The following PPA2 variants were observed in gnomAD, a reference collection of about 807,000 sequenced individuals.
PPA2 encodes inorganic pyrophosphatase 2, mitochondrial.
PPA2 carries 48 observed loss-of-function variants against 49.5 expected under a neutral mutation model. The ratio of observed to expected loss-of-function variants is 0.97; its 90% CI spans 0.77 to 1.23. The LOEUF (loss-of-function observed/expected upper bound fraction) is 1.23. Among genes scored for constraint, PPA2 ranks in the 50% most tolerant of loss-of-function variants. PPA2 has a pLI of 0.00. For missense variants in PPA2, 429 were observed against 410.1 expected, an observed-to-expected ratio of 1.05 and a Z score of -0.40; for synonymous variants, 131 against 139.9, an observed-to-expected ratio of 0.94 and a Z score of 0.45.
At chr4:105,429,639 CAT>C in intron 6 of PPA2, among the ~76,000 whole-genome samples, 1 of 152,102 alleles carries the variant, frequency 6.6e-6, no homozygotes, top group Non-Finnish European at 1.5e-5. Context: ...AAGTTATTTA[CAT>C]ATCTTGAAAT....
intron 10 of PPA2, among the ~76,000 whole-genome samples, chr4:105,373,999 C>T (rs558439281): frequency 2.0e-5 from 3 of 152,184 alleles, no homozygotes; most frequent in South Asian, 2.1e-4. Context: ...ATAACATTTA[C>T]TTACAGAAAA....
chr4:105,471,756 C>T (rs1447564495), intron 1 of PPA2, among the ~76,000 whole-genome samples: 1 of 152,156 alleles, frequency 6.6e-6, no homozygotes, highest in African/African-American at 2.4e-5. Context: ...ACAGTCCTGG[C>T]CAGTGATGCC....
At position 105,399,289 on chromosome 4, in the gene PPA2, G is replaced by A. The variant is rs1490594; in HGVS notation, c.656-125C>T. 390,697 of 873,106 alleles carry A rather than the reference G, an allele frequency of 0.45. 92,145 individuals are homozygous for A. Among genetic ancestry groups the A allele is most frequent in the East Asian group, 0.71 (28,543 of 40,330 alleles). The allele number at this position is 873,106 out of a possible 1,614,324, so 54.1% of individuals were successfully genotyped here. On this transcript the variant is annotated intron_variant, in intron 7 of 11. Transcript: ENST00000341695. ...AGTCTAACCAGAAGCACAATTGATT[G>A]TGATACCTAGAGCAGCATCATCATT...
chr4:105,396,323 A>C lies in PPA2; in HGVS notation c.795T>G (p.Leu265=). The C allele has an allele frequency of 6.3e-7, 1 of 1,594,372 alleles. No individual in the cohort carries two copies. The highest frequency in any genetic ancestry group is 1.3e-5 in the African/African-American group (1 of 74,574). The change falls in exon 9 of 12, where the codon CTT becomes CTG. Residue 265 remains leucine, a synonymous_variant. Coordinates refer to ENST00000341695, the MANE Select transcript of PPA2 (RefSeq NM_176869.3). ...NGEFKNKAFA[L]EVIKSTHQCW... is the part of the protein sequence containing the mutation. ...ATTGATGAGTGGATTTAATAACTTCAAGAGCAAAAGCCTAGCTCCAAACAA... is the reference window on the plus strand; with the variant it reads ...ATTGATGAGTGGATTTAATAACTTCCAGAGCAAAAGCCTAGCTCCAAACAA...
At position 105,405,644 on chromosome 4, in the gene PPA2, G is replaced by A. The variant is rs975874217; in HGVS notation, c.656-6480C>T. The A allele has an allele frequency of 8.4e-5, 85 of 1,012,152 alleles. 1 individual carries two copies. The highest frequency in any genetic ancestry group is 3.8e-4 in the East Asian group (4 of 10,470). 62.7% of individuals were successfully genotyped at this position (1,012,152 alleles called of 1,614,324 possible). ...TCAAGTTTCCAAAGCATTCTGCTTC[G>A]GAAAAAACAGAGACCTTTTGACAGG... On this transcript the variant is annotated intron_variant, in intron 7 of 11. Coordinates refer to ENST00000341695, the MANE Select transcript of PPA2 (RefSeq NM_176869.3).
intron 10 of PPA2, among the ~76,000 whole-genome samples, chr4:105,377,018 G>A (rs2110362950): frequency 6.6e-6 from 1 of 152,192 alleles, no homozygotes; most frequent in African/African-American, 2.4e-5. Flanking sequence ...AGAATTTTGG[G>A]GAAAAGAATT....
intron 3 of PPA2, 21 bp downstream of exon 3, chr4:105,453,577 A>C (rs1722753919): frequency 6.4e-7 from 1 of 1,555,950 alleles, no homozygotes; most frequent in Admixed American, 1.9e-5. Flanking sequence ...GATTCACAAA[A>C]ATAAAAACCT....
chr4:105,388,533 A>G (rs1420316955), intron 9 of PPA2, among the ~76,000 whole-genome samples: 2 of 152,194 alleles, frequency 1.3e-5, no homozygotes, highest in African/African-American at 2.4e-5. Context: ...ACCTTAAAAA[A>G]TGTATGAGCG....
In PPA2 at chr4:105,369,541, C is replaced by T. The variant is rs1732938541; in HGVS notation, c.*184G>A. On this transcript the variant is annotated 3_prime_UTR_variant, in exon 12 of 12. Coordinates refer to ENST00000341695, the MANE Select transcript of PPA2 (RefSeq NM_176869.3). ...CCTGGCCAAAATCTTCTTTTTATAT[C>T]AATAAATGTCCAAAGGAGAGTAATT... is the stretch of plus-strand genomic sequence containing the variant. 1.8e-6 allele frequency: 1 copy of T among 570,486 alleles called. No individual in the cohort carries two copies. Among genetic ancestry groups the T allele is most frequent in the Admixed American group, 3.2e-5 (1 of 31,218 alleles). 35.3% of individuals were successfully genotyped at this position (570,486 alleles called of 1,614,324 possible).
chr4:105,395,118 A>C (rs1383291400), intron 9 of PPA2, among the ~76,000 whole-genome samples: 1 of 152,132 alleles, frequency 6.6e-6, no homozygotes, highest in Non-Finnish European at 1.5e-5. Context: ...GTAAGAAAAA[A>C]GGGAGAAGGC....
rs756455141 is a variant in PPA2, at chr4:105,438,051, T to TA, written c.442-16_442-15insT. On this transcript the variant is annotated splice_polypyrimidine_tract_variant and intron_variant, in intron 5 of 11. Coordinates refer to ENST00000341695, the MANE Select transcript of PPA2 (RefSeq NM_176869.3). ...TCTTCCCAAGTCTAAAATTTTTTTT[T>TA]TAAAAAAAAGCAGAAATGTAAGTTA... 1.2e-4 allele frequency: 192 copies of TA among 1,558,114 alleles called. No homozygotes were observed. The highest frequency in any genetic ancestry group is 2.7e-4 in the East Asian group (12 of 44,002).
At chr4:105,378,637 G>A (rs931997044) in intron 10 of PPA2, among the ~76,000 whole-genome samples, 1 of 152,006 alleles carries the variant, frequency 6.6e-6, no homozygotes, top group Non-Finnish European at 1.5e-5. Flanking sequence ...TGCCTTTGGT[G>A]TCATATCTAA....
intron 7 of PPA2, among the ~76,000 whole-genome samples, chr4:105,413,244 C>T (rs956363729): frequency 6.6e-6 from 1 of 151,582 alleles, no homozygotes; most frequent in Non-Finnish European, 1.5e-5. Context: ...AAACCAAACA[C>T]CACTCATAGG....
intron 7 of PPA2, among the ~76,000 whole-genome samples, chr4:105,416,330 G>T (rs939810003): frequency 6.6e-6 from 1 of 152,096 alleles, no homozygotes; most frequent in African/African-American, 2.4e-5. Flanking sequence ...TGACATAAAA[G>T]TAATACCCTA....
chr4:105,386,627 C>T lies in PPA2; in HGVS notation c.879G>A (p.Val293=). 6.2e-7 allele frequency: 1 copy of T among 1,612,064 alleles called. No individual in the cohort carries two copies. Among genetic ancestry groups the T allele is most frequent in the East Asian group, 2.2e-5 (1 of 44,748 alleles). The change falls in exon 10 of 12, where the codon GTG becomes GTA. Residue 293 remains valine (V), a synonymous_variant. Coordinates refer to ENST00000341695, the MANE Select transcript of PPA2 (RefSeq NM_176869.3). The stretch of plus-strand genomic sequence containing the variant: ...AACGGAAAGGGCTATCAGATATCTG[C>T]ACGTTTGTGCTGGAGAGGAAAAGAG... ...CNGGAINCTN[V]QISDSPFRCT... is the part of the protein sequence containing the mutation.
At position 105,374,397 on chromosome 4, in the gene PPA2, A is replaced by C. The variant is rs76085166; in HGVS notation, c.940-3524T>G. Among the ~76,000 whole-genome samples, 618 of 152,336 alleles carry C rather than the reference A, an allele frequency of 4.1e-3. 5 individuals carry two copies. Among genetic ancestry groups the C allele is most frequent in the Non-Finnish European group, 5.8e-3 (394 of 68,030 alleles). Reference sequence around the variant, plus strand: ...GCAACATAGTGAGACTGTGTCTTTTATTAAATAATTAATTAATAAAAATGC... The same window carrying C: ...GCAACATAGTGAGACTGTGTCTTTTCTTAAATAATTAATTAATAAAAATGC... On this transcript the variant is annotated intron_variant, in intron 10 of 11. Transcript: ENST00000341695.
rs182729919 is a variant in PPA2 at position 105,397,809 on chromosome 4, C to G, written c.783+1228G>C. Among the ~76,000 whole-genome samples, 136 of 152,270 alleles carry G rather than the reference C, an allele frequency of 8.9e-4. 3 individuals are homozygous for G. Among genetic ancestry groups the G allele is most frequent in the African/African-American group, 3.3e-3 (136 of 41,554 alleles). ...TGTGGCATGCCTGCTCCCCCTTCAT[C>G]TTTTGGCATGACTGGAAGCTTTCTG... On this transcript the variant is annotated intron_variant, in intron 8 of 11. Coordinates refer to ENST00000341695, the MANE Select transcript of PPA2 (RefSeq NM_176869.3).
intron 10 of PPA2, among the ~76,000 whole-genome samples, chr4:105,383,949 T>C (rs185133629): frequency 1.3e-5 from 2 of 151,430 alleles, no homozygotes; most frequent in Admixed American, 1.3e-4. Flanking sequence ...ATATTCAGTA[T>C]ACAGCAAAAT....
chr4:105,423,905 A>C (rs1723367306), intron 7 of PPA2, among the ~76,000 whole-genome samples: 1 of 152,060 alleles, frequency 6.6e-6, no homozygotes. Context: ...TCCCAACAGC[A>C]GTTGGACCAT....
Sources: allele counts gnomAD v4.1 joint callset (sites outside exome capture counted in the v4.1 genomes callset), GRCh38; gene constraint gnomAD v4.1.1; transcripts MANE v1.5; gene names NCBI Gene and HGNC (gene_info 2026-07-23, HGNC 2026-07-21).